Variants in GLG1 observed in about 807,000 individuals in gnomAD.
GLG1 encodes Golgi apparatus protein 1.
Under a neutral mutation model 160.5 loss-of-function variants are expected in GLG1, and 38 were observed. The observed-to-expected ratio is 0.24, with a 90% CI of 0.18 to 0.31. The LOEUF (loss-of-function observed/expected upper bound fraction) is 0.31, where lower values mean the gene tolerates loss of function less well. Ranked by LOEUF, GLG1 falls within the 10% of genes least tolerant of loss-of-function variation. GLG1 has a pLI of 1.00. For missense variants in GLG1, 1,373 were observed against 1,505.2 expected (o/e 0.91, Z 1.45); for synonymous variants, 644 against 543.4 (o/e 1.19, Z -2.57).
At chr16:74,567,003 G>A (rs2018671478) in intron 1 of GLG1, among the ~76,000 whole-genome samples, 1 of 152,158 alleles carries the variant, frequency 6.6e-6, no homozygotes, top group Non-Finnish European at 1.5e-5. Context: ...TTAAGATGTT[G>A]CAAAACTATA....
Position 74,474,586 on chromosome 16 carries a change from C to T in GLG1, c.2012G>A (p.Cys671Tyr). ...QDHLDDLVVE[C>Y]RDIVGNLTEL... Reference sequence around the variant, plus strand: ...AGTGAGGTTGCCAACTATATCTCTACACTCCACCACCAAGTCATCCAGATG... The same window carrying T: ...AGTGAGGTTGCCAACTATATCTCTATACTCCACCACCAAGTCATCCAGATG... Residue 671 changes from cysteine to tyrosine, a missense_variant, in exon 13 of 26, where the codon TGT (cysteine) becomes TAT (tyrosine). By Grantham distance (194) the Cys-to-Tyr change is radical. This residue lies in a region of GLG1 where 386 missense variants were observed against 388.5 expected (regional missense o/e 0.99). Coordinates refer to ENST00000422840, the MANE Select transcript of GLG1 (RefSeq NM_001145667.2). 1 of 1,587,146 alleles carries T rather than the reference C, an allele frequency of 6.3e-7. No homozygotes were observed. The highest frequency in any genetic ancestry group is 8.7e-7 in the Non-Finnish European group (1 of 1,155,368).
chr16:74,511,902 T>C (rs1405564751), intron 2 of GLG1, among the ~76,000 whole-genome samples: 1 of 152,152 alleles, frequency 6.6e-6, no homozygotes, highest in Non-Finnish European at 1.5e-5. Context: ...TATTGTCAAA[T>C]GCTAAACATT....
intron 1 of GLG1, among the ~76,000 whole-genome samples, chr16:74,573,686 C>T (rs1222647072): frequency 2.0e-5 from 3 of 150,406 alleles, no homozygotes; most frequent in African/African-American, 7.3e-5. Flanking sequence ...TACAGTCGCA[C>T]ACTACTGAGC....
In GLG1 at chr16:74,520,573, T is replaced by C. The variant is rs140659580; in HGVS notation, c.471+11548A>G. On this transcript the variant is annotated intron_variant, in intron 2 of 25. Transcript: ENST00000422840. ...ATCGCTTGAACCCAGGGGGCGGTGG[T>C]TGCAGTGAGCCAAGATCACACCATT... Among the ~76,000 whole-genome samples, 670 of 152,246 alleles carry C rather than the reference T, an allele frequency of 4.4e-3. 9 individuals carry two copies. Among genetic ancestry groups the C allele is most frequent in the East Asian group, 0.038 (199 of 5,180 alleles).
At chr16:74,496,127 G>A (rs1168691483) in intron 5 of GLG1, among the ~76,000 whole-genome samples, 1 of 152,026 alleles carries the variant, frequency 6.6e-6, no homozygotes, top group Non-Finnish European at 1.5e-5. Flanking sequence ...AATTGGCCAG[G>A]CAAGATGGTG....
At chr16:74,496,812 C>G (rs567556947) in intron 4 of GLG1, among the ~76,000 whole-genome samples, 168 bp from the exon 5 acceptor site, 1 of 151,510 alleles carries the variant, frequency 6.6e-6, no homozygotes, top group South Asian at 2.1e-4. Context: ...AAGTAAGAAC[C>G]AACCACATTG....
Position 74,459,721 on chromosome 16 carries a change from CT to C in GLG1, c.3104del (p.Lys1035ArgfsTer17). 6.2e-7 allele frequency: 1 copy of C among 1,606,620 alleles called. No homozygotes were observed. The highest frequency in any genetic ancestry group is 1.1e-5 in the South Asian group (1 of 90,780). ...CTGTTTTGATCTTGAGCAGGTTGACCTTGAGGCACTCCTCCACCTGACCTGT... is the reference window on the plus strand; with the variant it reads ...CTGTTTTGATCTTGAGCAGGTTGACCTGAGGCACTCCTCCACCTGACCTGT... ...EQTGQVEECL[K>X]VNLLKIKTEL... is the part of the protein sequence containing the mutation. On this transcript the variant is annotated frameshift_variant, in exon 23 of 26. Coordinates refer to ENST00000422840, the MANE Select transcript of GLG1 (RefSeq NM_001145667.2). LOFTEE classifies it high-confidence loss of function.
In GLG1 at chr16:74,603,467, G is replaced by C. The variant is rs531113661; in HGVS notation, c.438+3190C>G. Among the ~76,000 whole-genome samples, 221 of 151,642 alleles carry C rather than the reference G, an allele frequency of 1.5e-3. 1 individual carries two copies. The South Asian group carries it at 0.016, about 11-fold the overall frequency. ...ACATCACAAACTTTTTATTAGAGAC[G>C]GTGTCTCACTATGTTGCCAGGCTGG... On this transcript the variant is annotated intron_variant, in intron 1 of 25. Coordinates refer to ENST00000422840, the MANE Select transcript of GLG1 (RefSeq NM_001145667.2).
At chr16:74,567,863 C>T (rs918190919) in intron 1 of GLG1, among the ~76,000 whole-genome samples, 4 of 152,020 alleles carry the variant, frequency 2.6e-5, no homozygotes, top group African/African-American at 9.7e-5. Context: ...CCACCGCGCC[C>T]GGCCATATGG....
rs189731819 is a variant in GLG1 at position 74,450,457 on chromosome 16, T to C, written c.*2710A>G. 1 of 152,372 alleles carries C rather than the reference T, an allele frequency of 6.6e-6. No individual in the cohort carries two copies. The highest frequency in any genetic ancestry group is 6.5e-5 in the Admixed American group (1 of 15,302). The allele number at this position is 152,372 out of a possible 1,614,324, so 9.4% of individuals were successfully genotyped here. ...GCCTGGGGCTCTCAAGAGCCAGTCATTGGAAAATGCTCCAAGTAAGATGAT... is the reference window on the plus strand; with the variant it reads ...GCCTGGGGCTCTCAAGAGCCAGTCACTGGAAAATGCTCCAAGTAAGATGAT... On this transcript the variant is annotated 3_prime_UTR_variant, in exon 26 of 26. Transcript: ENST00000422840.
At chr16:74,501,815 G>A (rs1206680438) in intron 4 of GLG1, among the ~76,000 whole-genome samples, 2 of 152,188 alleles carry the variant, frequency 1.3e-5, no homozygotes, top group African/African-American at 4.8e-5. Flanking sequence ...AAGTGCTTTT[G>A]TGTCATTTTG....
intron 1 of GLG1, among the ~76,000 whole-genome samples, chr16:74,545,810 T>C (rs562244429): frequency 1.3e-5 from 2 of 152,330 alleles, no homozygotes; most frequent in South Asian, 4.1e-4. Context: ...ACTTAGGAAA[T>C]GTTTCATGCC....
intron 1 of GLG1, among the ~76,000 whole-genome samples, chr16:74,578,734 A>G (rs973093462): frequency 1.3e-5 from 2 of 152,208 alleles, no homozygotes; most frequent in African/African-American, 2.4e-5. Context: ...TGCACACACA[A>G]AAAAAGCTAT....
intron 20 of GLG1, chr16:74,462,844 T>C: frequency 1.7e-6 from 1 of 575,874 alleles, no homozygotes; most frequent in Non-Finnish European, 3.1e-6. Context: ...CTCAGGAATC[T>C]TTCTACTCTG....
rs776172042 is a variant in GLG1, at chr16:74,471,163, T to C, written c.2229+10A>G. The stretch of plus-strand genomic sequence containing the variant: ...CTATGATGGGATATTGGCAGCCAGG[T>C]GTCACTGACCAGCTGGAAGTGGGTA... On this transcript the variant is annotated intron_variant, in intron 15 of 25. Coordinates refer to ENST00000422840, the MANE Select transcript of GLG1 (RefSeq NM_001145667.2). 2 of 1,423,612 alleles carry C rather than the reference T, an allele frequency of 1.4e-6. No individual in the cohort carries two copies. The highest frequency in any genetic ancestry group is 2.3e-5 in the South Asian group (2 of 87,214). 88.2% of individuals were successfully genotyped at this position (1,423,612 alleles called of 1,614,324 possible).
intron 5 of GLG1, among the ~76,000 whole-genome samples, chr16:74,495,087 G>A (rs2016136740): frequency 6.8e-6 from 1 of 147,968 alleles, no homozygotes; most frequent in Admixed American, 6.8e-5. Context: ...GGAACCAAGA[G>A]AAGTGTTAGA....
chr16:74,516,124 C>G (rs766007517), intron 2 of GLG1, among the ~76,000 whole-genome samples: 4 of 151,678 alleles, frequency 2.6e-5, no homozygotes, highest in Non-Finnish European at 5.9e-5. Context: ...TAACACCACA[C>G]TGTCAACATT....
intron 1 of GLG1, among the ~76,000 whole-genome samples, chr16:74,549,984 G>A (rs2018154111): frequency 6.6e-6 from 1 of 152,254 alleles, no homozygotes; most frequent in Non-Finnish European, 1.5e-5. Flanking sequence ...CGGGCGTGGT[G>A]GGAGCACCTG....
intron 19 of GLG1, among the ~76,000 whole-genome samples, chr16:74,464,942 G>A (rs996803088): frequency 6.6e-5 from 10 of 152,106 alleles, no homozygotes; most frequent in South Asian, 2.1e-4. Context: ...TCCCAGGAGC[G>A]ATTCTCTTGC....
Sources: allele counts gnomAD v4.1 joint callset (sites outside exome capture counted in the v4.1 genomes callset), GRCh38; gene constraint gnomAD v4.1.1; regional missense constraint gnomAD v4.1.1; transcripts MANE v1.5; gene names NCBI Gene and HGNC (gene_info 2026-07-23, HGNC 2026-07-21).